Variants in ICA1 observed in about 807,000 individuals in gnomAD.
ICA1 encodes the protein islet cell autoantigen 1, also known as 69 kDa islet cell autoantigen.
A neutral mutation model predicts 71.0 loss-of-function variants in ICA1; 40 were observed. The ratio of observed to expected loss-of-function variants is 0.56; its 90% CI spans 0.44 to 0.73. The LOEUF (loss-of-function observed/expected upper bound fraction) is 0.73. Among genes scored for constraint, ICA1 ranks in the 30% least tolerant of loss-of-function variants. ICA1 has a pLI of 0.00. For synonymous variants in ICA1, 207 were observed against 209.5 expected, an observed-to-expected ratio of 0.99 and a Z score of 0.10; for missense variants, 578 against 576.5, an observed-to-expected ratio of 1.00 and a Z score of -0.03.
intron 6 of ICA1, among the ~76,000 whole-genome samples, chr7:8,169,110 A>G (rs1424191758): frequency 1.3e-5 from 2 of 152,160 alleles, no homozygotes; most frequent in African/African-American, 2.4e-5. Flanking sequence ...GAATTATGCC[A>G]AGTAGTCTAT....
chr7:8,153,644 C>T (rs548522861), intron 8 of ICA1, among the ~76,000 whole-genome samples: 72 of 152,112 alleles, frequency 4.7e-4, no homozygotes, highest in African/African-American at 1.5e-3. Flanking sequence ...GACAGAATTT[C>T]ATTTAGTATT....
intron 11 of ICA1, 24 bp from the exon 12 acceptor site, chr7:8,138,905 A>C: frequency 6.2e-7 from 1 of 1,603,688 alleles, no homozygotes. Flanking sequence ...GAAAGAAAAC[A>C]AAATTATAAG....
intron 8 of ICA1, among the ~76,000 whole-genome samples, chr7:8,145,197 G>A (rs958794): frequency 0.87 from 132,227 of 152,150 alleles, 58,291 homozygotes; most frequent in East Asian, 1. Context: ...TTTCTTTATT[G>A]TAAGAACTTC....
Position 8,157,366 on chromosome 7 carries a change from C to A in ICA1, c.706-152G>T, listed in dbSNP as rs1802007761. ...TTCCCATTATGCCCCCAATTACACT[C>A]TGTATTTCAGCCAAACTAAATGCCT... is the stretch of plus-strand genomic sequence containing the variant. On this transcript the variant is annotated intron_variant, in intron 7 of 13. Coordinates refer to ENST00000402384, the MANE Select transcript of ICA1 (RefSeq NM_001136020.3). 3 of 774,188 alleles carry A rather than the reference C, an allele frequency of 3.9e-6. 1 individual carries two copies. The South Asian group carries it at 6.3e-5, about 16-fold the overall frequency. 48.0% of individuals were successfully genotyped at this position (774,188 alleles called of 1,614,324 possible). A position where few individuals can be genotyped will look rare whatever the true frequency, so the allele number is the denominator to read the frequency against.
chr7:8,163,236 C>T (rs1016745955), intron 6 of ICA1, among the ~76,000 whole-genome samples: 11 of 152,220 alleles, frequency 7.2e-5, no homozygotes, highest in African/African-American at 1.7e-4. Context: ...AATTGAACAA[C>T]GCATGGTGAA....
At position 8,173,323 on chromosome 7, in the gene ICA1, G is replaced by T. The variant is rs140487487; in HGVS notation, c.580-14671C>A. Among the ~76,000 whole-genome samples, 234 of 152,262 alleles carry T rather than the reference G, an allele frequency of 1.5e-3. No homozygotes were observed. The highest frequency in any genetic ancestry group is 3.4e-3 in the Middle Eastern group (1 of 292). On this transcript the variant is annotated intron_variant, in intron 6 of 13. Transcript: ENST00000402384. The surrounding 1 kb of genome is among the most constrained non-coding windows in gnomAD (Gnocchi z 4.0). ...GAGTCAACCTAAGAGACTCCCACTA[G>T]CCAAAAATGAGACATTGTGAGCATC...
chr7:8,182,945 G>T (rs1782670908), intron 6 of ICA1, among the ~76,000 whole-genome samples: 1 of 152,180 alleles, frequency 6.6e-6, no homozygotes, highest in South Asian at 2.1e-4. Context: ...GCAGGGCACA[G>T]CTTCCCAGTA....
intron 6 of ICA1, among the ~76,000 whole-genome samples, chr7:8,166,641 G>A (rs1253232084): frequency 6.6e-6 from 1 of 152,104 alleles, no homozygotes; most frequent in South Asian, 2.1e-4. Context: ...ATTGGCAAAT[G>A]GGACCAAAGT....
chr7:8,262,093 C>A lies in ICA1; in HGVS notation c.-80+1G>T, dbSNP rs1812740849. The A allele has an allele frequency of 1.3e-5, 2 of 152,182 alleles. No individual in the cohort carries two copies. The highest frequency in any genetic ancestry group is 4.8e-5 in the African/African-American group (2 of 41,440). 9.4% of individuals were successfully genotyped at this position (152,182 alleles called of 1,614,324 possible). On this transcript the variant is annotated splice_donor_variant, in intron 1 of 13. Transcript: ENST00000402384. LOFTEE classifies it low-confidence loss of function (5UTR_SPLICE). ...CCGCCCCGACCCCGGAGGGCAGGTA[C>A]CTCGGAGCCCCGGCCCCCAGGAGCC... is the stretch of plus-strand genomic sequence containing the variant.
At position 8,127,961 on chromosome 7, in the gene ICA1, C is replaced by T. The variant is rs761066216; in HGVS notation, c.1242G>A (p.Glu414=). The part of the protein sequence containing the change: ...KEPVPTMALG[E]PDPKAQTGSG... ...AGCCTGTCTGGGCCTTGGGGTCTGG[C>T]TCTCCCAGGGCCATAGTGGGCACTG... The change falls in exon 13 of 14, where the codon GAG becomes GAA. Residue 414 remains glutamate, a synonymous_variant. Transcript: ENST00000402384. The T allele has an allele frequency of 6.8e-6, 11 of 1,614,110 alleles. No individual in the cohort carries two copies. In the Admixed American group the frequency reaches 1.8e-4, roughly 27 times the overall value.
At chr7:8,154,361 A>C (rs1022856558) in intron 8 of ICA1, among the ~76,000 whole-genome samples, 2 of 152,230 alleles carry the variant, frequency 1.3e-5, no homozygotes, top group Admixed American at 1.3e-4. Context: ...TTGTCCCTCC[A>C]AACAGGATGC....
chr7:8,139,183 C>A lies in ICA1; in HGVS notation c.956-136G>T, dbSNP rs1794381535. The A allele has an allele frequency of 7.7e-6, 5 of 652,024 alleles. No individual in the cohort carries two copies. The South Asian group carries it at 9.7e-5, about 13-fold the overall frequency. The allele number at this position is 652,024 out of a possible 1,614,324, so 40.4% of individuals were successfully genotyped here. On this transcript the variant is annotated intron_variant, in intron 10 of 13. Coordinates refer to ENST00000402384, the MANE Select transcript of ICA1 (RefSeq NM_001136020.3). The stretch of plus-strand genomic sequence containing the variant: ...AAACTCAGCCAGAAGCAAGGGTCCT[C>A]AGATTACACTGGACTCCTGCTATCA...
intron 1 of ICA1, among the ~76,000 whole-genome samples, chr7:8,256,586 T>C (rs1359680530): frequency 6.6e-6 from 1 of 152,088 alleles, no homozygotes; most frequent in Non-Finnish European, 1.5e-5. Context: ...CAACTCAACA[T>C]CTCGTCTCTA....
At chr7:8,168,416 C>A (rs1806972637) in intron 6 of ICA1, among the ~76,000 whole-genome samples, 1 of 152,122 alleles carries the variant, frequency 6.6e-6, no homozygotes, top group African/African-American at 2.4e-5. Flanking sequence ...AGATACTCAT[C>A]TGACAAATAA....
intron 13 of ICA1, among the ~76,000 whole-genome samples, chr7:8,124,805 G>A (rs1788513654): frequency 1.3e-5 from 2 of 149,610 alleles, no homozygotes; most frequent in African/African-American, 4.9e-5. Flanking sequence ...TTTTTTCAGA[G>A]ACAGAGTCTC....
intron 1 of ICA1, among the ~76,000 whole-genome samples, chr7:8,256,652 C>G (rs1810321018): frequency 6.6e-6 from 1 of 152,214 alleles, no homozygotes; most frequent in South Asian, 2.1e-4. Flanking sequence ...GTTAACTGCT[C>G]CATACTGGTG....
chr7:8,192,426 A>G (rs1028059153), intron 6 of ICA1, among the ~76,000 whole-genome samples: 1 of 152,196 alleles, frequency 6.6e-6, no homozygotes, highest in African/African-American at 2.4e-5. Flanking sequence ...TCCTCAGTGC[A>G]TGGTATCATG....
At chr7:8,125,375 C>T (rs751466771) in intron 13 of ICA1, among the ~76,000 whole-genome samples, 24 of 152,308 alleles carry the variant, frequency 1.6e-4, no homozygotes, top group Non-Finnish European at 8.8e-5. Flanking sequence ...CTGTGCCAGG[C>T]ATATCCTCAC....
chr7:8,157,325 T>A (rs985749570), intron 7 of ICA1, 111 bp from the exon 8 acceptor site: 3 of 1,056,316 alleles, frequency 2.8e-6, no homozygotes, highest in African/African-American at 1.6e-5. Flanking sequence ...AGCATGATTC[T>A]AACTCATTTC....
Sources: gnomAD v4.1 joint callset for allele counts (sites outside exome capture counted in the v4.1 genomes callset) on GRCh38, gnomAD v4.1.1 for gene constraint, Gnocchi (gnomAD v3.1) non-coding constraint, MANE v1.5 for transcripts, NCBI Gene and HGNC (gene_info 2026-07-23, HGNC 2026-07-21) for gene names.